CAMTA1: variants seen among roughly 807,000 people sequenced by gnomAD.
CAMTA1 encodes calmodulin binding transcription activator 1, also known as calmodulin-binding transcription activator 1.
CAMTA1 carries 27 observed loss-of-function variants against 170.9 expected under a neutral mutation model. The observed-to-expected ratio is 0.16, with a 90% CI of 0.12 to 0.22. CAMTA1 has a LOEUF of 0.22. Ranked by LOEUF, CAMTA1 falls within the 10% of genes least tolerant of loss-of-function variation. The pLI is 1.00. For synonymous variants in CAMTA1, 833 were observed against 891.5 expected (o/e 0.93, Z 1.17); for missense variants, 1,619 against 2,217.2 (o/e 0.73, Z 5.42).
At chr1:6,811,801 T>C (rs1048745129) in intron 1 of CAMTA1, among the ~76,000 whole-genome samples, 2 of 152,252 alleles carry the variant, frequency 1.3e-5, no homozygotes, top group Non-Finnish European at 2.9e-5. Context: ...GGTTCCCAGA[T>C]AGCCGACCTC....
At chr1:7,206,566 GT>G (rs1371795441) in intron 4 of CAMTA1, among the ~76,000 whole-genome samples, 2 of 152,112 alleles carry the variant, frequency 1.3e-5, no homozygotes, top group African/African-American at 4.8e-5. Flanking sequence ...CTTTGTGGAT[GT>G]TTGTAACTCT....
At chr1:7,424,771 G>A (rs2091782705) in intron 5 of CAMTA1, among the ~76,000 whole-genome samples, 1 of 152,128 alleles carries the variant, frequency 6.6e-6, no homozygotes, top group South Asian at 2.1e-4. Flanking sequence ...CGGATAAGGT[G>A]AAATGGGTCC....
At position 7,092,001 on chromosome 1, in the gene CAMTA1, T is replaced by G. The variant is rs1267868665; in HGVS notation, c.302+630T>G. On this transcript the variant is annotated intron_variant, in intron 4 of 22. Transcript: ENST00000303635. This position sits in a 1 kb window ranked among gnomAD's most constrained non-coding sequence, Gnocchi z 5.0. ...GAACGGTGATGTTGGGACTTAGGGTTGATTTTAAAAGGCAGCCTCTTTTGG... is the reference window on the plus strand; with the variant it reads ...GAACGGTGATGTTGGGACTTAGGGTGGATTTTAAAAGGCAGCCTCTTTTGG... Among the ~76,000 whole-genome samples, 3 of 152,232 alleles carry G rather than the reference T, an allele frequency of 2.0e-5. No homozygotes were observed. Among genetic ancestry groups the G allele is most frequent in the African/African-American group, 7.2e-5 (3 of 41,458 alleles).
intron 6 of CAMTA1, among the ~76,000 whole-genome samples, chr1:7,544,691 A>C (rs1211264863): frequency 6.6e-6 from 1 of 152,212 alleles, no homozygotes; most frequent in African/African-American, 2.4e-5. Flanking sequence ...TACTTGGCAC[A>C]GGATTCTGGC....
intron 6 of CAMTA1, among the ~76,000 whole-genome samples, chr1:7,529,568 T>G (rs976105576): frequency 6.6e-6 from 1 of 152,080 alleles, no homozygotes; most frequent in East Asian, 1.9e-4. Flanking sequence ...GATCTAGGAT[T>G]TGCACCGTGC....
intron 3 of CAMTA1, among the ~76,000 whole-genome samples, chr1:7,075,602 T>C (rs1572866589): frequency 6.6e-6 from 1 of 151,702 alleles, no homozygotes; most frequent in African/African-American, 2.4e-5. Flanking sequence ...TTCTGACTTC[T>C]CCAGCCTGTG....
rs921729477 is a variant in CAMTA1, at chr1:7,534,384, C to T, written c.510+66483C>T. On this transcript the variant is annotated intron_variant, in intron 6 of 22. Transcript: ENST00000303635. The surrounding 1 kb of genome is among the most constrained non-coding windows in gnomAD (Gnocchi z 5.6). ...ATCTTCCTGACACCCCGGGGCCACA[C>T]GGGGAGAGCTTGCTGCAGACCCGGG... Among the ~76,000 whole-genome samples, 42 of 152,130 alleles carry T rather than the reference C, an allele frequency of 2.8e-4. No individual in the cohort carries two copies. Among genetic ancestry groups the T allele is most frequent in the African/African-American group, 9.4e-4 (39 of 41,426 alleles).
In CAMTA1 at chr1:7,092,937, C is replaced by T. The variant is rs1247530469; in HGVS notation, c.302+1566C>T. On this transcript the variant is annotated intron_variant, in intron 4 of 22. Coordinates refer to ENST00000303635, the MANE Select transcript of CAMTA1 (RefSeq NM_015215.4). This position sits in a 1 kb window ranked among gnomAD's most constrained non-coding sequence, Gnocchi z 5.0. ...TCAGATGTGGCATCATATGTCATGCCTGCTGATGAATCCACTGGCCAAAGC... is the reference window on the plus strand; with the variant it reads ...TCAGATGTGGCATCATATGTCATGCTTGCTGATGAATCCACTGGCCAAAGC... Among the ~76,000 whole-genome samples the T allele has an allele frequency of 1.3e-5, 2 of 152,176 alleles. No homozygotes were observed. Among genetic ancestry groups the T allele is most frequent in the African/African-American group, 2.4e-5 (1 of 41,426 alleles).
chr1:7,197,888 C>G (rs908149366), intron 4 of CAMTA1, among the ~76,000 whole-genome samples: 1 of 151,824 alleles, frequency 6.6e-6, no homozygotes, highest in Non-Finnish European at 1.5e-5. Flanking sequence ...CAGGGGAAGC[C>G]GTATCTTCCC....
chr1:7,457,208 C>A lies in CAMTA1; in HGVS notation c.439-10622C>A, dbSNP rs368998288. ...TAGCTATTATTCCATTTTATGCCCACTAATTTATTAATCTTGGAACCCCCA... is the reference window on the plus strand; with the variant it reads ...TAGCTATTATTCCATTTTATGCCCAATAATTTATTAATCTTGGAACCCCCA... On this transcript the variant is annotated intron_variant, in intron 5 of 22. Transcript: ENST00000303635. Among the ~76,000 whole-genome samples, 56 of 152,106 alleles carry A rather than the reference C, an allele frequency of 3.7e-4. No individual in the cohort carries two copies. The East Asian group carries it at 9.9e-3, about 27-fold the overall frequency.
rs1300983714 is a variant in CAMTA1, at chr1:7,456,110, G to A, written c.439-11720G>A. ...TCAGAGATCCCTTGTGCTTAATGCA[G>A]GCAGACCTGGTGAAGGGTGAGGGGG... On this transcript the variant is annotated intron_variant, in intron 5 of 22. Transcript: ENST00000303635. This position sits in a 1 kb window ranked among gnomAD's most constrained non-coding sequence, Gnocchi z 4.9. 6.6e-6 allele frequency among the ~76,000 whole-genome samples: 1 copy of A among 152,084 alleles called. No individual in the cohort carries two copies. Among genetic ancestry groups the A allele is most frequent in the South Asian group, 2.1e-4 (1 of 4,808 alleles).
chr1:7,717,919 A>G (rs2096622957), intron 11 of CAMTA1, among the ~76,000 whole-genome samples: 2 of 152,152 alleles, frequency 1.3e-5, no homozygotes, highest in African/African-American at 4.8e-5. Context: ...GATAGTTGAA[A>G]TTAAATCATT....
chr1:7,091,475 A>G (rs1278536681), intron 4 of CAMTA1, 104 bp downstream of exon 4: 3 of 866,034 alleles, frequency 3.5e-6, no homozygotes, highest in Admixed American at 1.8e-5. Flanking sequence ...CGAGTTGAAA[A>G]TGCCATGTTG....
chr1:6,934,902 C>T lies in CAMTA1; in HGVS notation c.234+109692C>T, dbSNP rs939996613. Among the ~76,000 whole-genome samples, 5 of 152,174 alleles carry T rather than the reference C, an allele frequency of 3.3e-5. No homozygotes were observed. Among genetic ancestry groups the T allele is most frequent in the African/African-American group, 1.2e-4 (5 of 41,424 alleles). ...GTCAAAATAAAAAGTCCACCAAACT[C>T]CTTAGGCCAGTCGAAAGCACCTAAC... On this transcript the variant is annotated intron_variant, in intron 3 of 22. Coordinates refer to ENST00000303635, the MANE Select transcript of CAMTA1 (RefSeq NM_015215.4). This position sits in a 1 kb window ranked among gnomAD's most constrained non-coding sequence, Gnocchi z 4.5.
At chr1:6,933,371 T>C (rs1202399051) in intron 3 of CAMTA1, among the ~76,000 whole-genome samples, 1 of 152,090 alleles carries the variant, frequency 6.6e-6, no homozygotes, top group Non-Finnish European at 1.5e-5. Context: ...GTGATTCTCC[T>C]GCATCAGCCT....
At chr1:7,292,603 G>T (rs1344579984) in intron 5 of CAMTA1, among the ~76,000 whole-genome samples, 2 of 152,088 alleles carry the variant, frequency 1.3e-5, no homozygotes, top group East Asian at 3.9e-4. Context: ...CCGTACTCAG[G>T]AGAGAGAAGC....
chr1:7,389,814 G>C (rs2088481404), intron 5 of CAMTA1: 1 of 153,036 alleles, frequency 6.5e-6, no homozygotes, highest in Non-Finnish European at 1.5e-5. Flanking sequence ...ACCCAGGCAA[G>C]GGAATCTTGG....
chr1:7,307,567 T>C (rs1299812703), intron 5 of CAMTA1, among the ~76,000 whole-genome samples: 4 of 152,042 alleles, frequency 2.6e-5, no homozygotes, highest in South Asian at 2.1e-4. Context: ...TAAAGTTAGT[T>C]GTAGGGTTTT....
rs116656378 is a variant in CAMTA1, at chr1:6,800,807, C to T, written c.45+15232C>T. ...TGCTCCCTGGGCCTCCTATAGGCCT[C>T]GCGTTTGGAGAGGCCGTGAACATAA... On this transcript the variant is annotated intron_variant, in intron 1 of 22. Coordinates refer to ENST00000303635, the MANE Select transcript of CAMTA1 (RefSeq NM_015215.4). Among the ~76,000 whole-genome samples, 647 of 152,276 alleles carry T rather than the reference C, an allele frequency of 4.2e-3. 5 individuals are homozygous for T. Among genetic ancestry groups the T allele is most frequent in the African/African-American group, 0.013 (546 of 41,552 alleles).
Sources: gnomAD v4.1 joint callset for allele counts (sites outside exome capture counted in the v4.1 genomes callset) on GRCh38, gnomAD v4.1.1 for gene constraint, Gnocchi (gnomAD v3.1) non-coding constraint, MANE v1.5 for transcripts, NCBI Gene and HGNC (gene_info 2026-07-23, HGNC 2026-07-21) for gene names.